Variants in RPL35 observed in about 807,000 individuals in gnomAD.
The protein encoded by RPL35 is ribosomal protein L35, also known as large ribosomal subunit protein uL29.
In RPL35, 2 loss-of-function variants were observed where a neutral mutation model predicts 15.6. That is an observed-to-expected ratio of 0.13 (90% CI 0.05 to 0.40). RPL35 has a LOEUF of 0.40. Among genes scored for constraint, RPL35 ranks in the 10% least tolerant of loss-of-function variants. RPL35 has a pLI of 0.99. For missense variants in RPL35, 111 were observed against 164.7 expected, an observed-to-expected ratio of 0.67 and a Z score of 1.79; for synonymous variants, 93 against 67.9, an observed-to-expected ratio of 1.37 and a Z score of -1.82.
chr9:124,861,102 G>C, intron 2 of RPL35: 2 of 319,396 alleles, frequency 6.3e-6, no homozygotes, highest in Non-Finnish European at 1.2e-5. Flanking sequence ...AACTTACGCT[G>C]CCACTCCAGG....
intron 2 of RPL35, chr9:124,861,018 C>T (rs1370567075): frequency 1.8e-5 from 3 of 170,998 alleles, no homozygotes; most frequent in Non-Finnish European, 3.8e-5. Flanking sequence ...GAGAAGTGGA[C>T]TTTGTACCCA....
At chr9:124,859,624 T>C (rs902286994) in intron 3 of RPL35, among the ~76,000 whole-genome samples, 1 of 152,154 alleles carries the variant, frequency 6.6e-6, no homozygotes, top group Non-Finnish European at 1.5e-5. Flanking sequence ...TTTCTCTGCT[T>C]GAACCCCAAT....
chr9:124,861,511 C>G lies in RPL35; in HGVS notation c.48G>C (p.Glu16Asp), dbSNP rs757330545. Residue 16 changes from glutamate (E) to aspartate (D), a missense_variant, in exon 2 of 4, where the codon GAG (glutamate) becomes GAC (aspartate). Physicochemically the swap from Glu to Asp is conservative, Grantham distance 45. Coordinates refer to ENST00000348462, the MANE Select transcript of RPL35 (RefSeq NM_007209.4). ...TCAGGTCGTCCAGCTGTTTCAGCAG[C>G]TCCTCCTTCTTCTTCCCGCGAAGAT... ...ARDLRGKKKE[E>D]LLKQLDDLKV... 8.1e-6 allele frequency: 13 copies of G among 1,614,080 alleles called. No homozygotes were observed. In the Admixed American group the frequency reaches 2.2e-4, roughly 27 times the overall value.
chr9:124,860,049 C>T (rs1829172159), intron 3 of RPL35, 134 bp downstream of exon 3: 1 of 689,410 alleles, frequency 1.5e-6, no homozygotes. Flanking sequence ...GAAGAGTGAG[C>T]CCAGCAACAA....
Position 124,861,510 on chromosome 9 carries a change from GCTC to G in RPL35, c.46_48del (p.Glu16del). 1 of 1,614,058 alleles carries G rather than the reference GCTC, an allele frequency of 6.2e-7. No individual in the cohort carries two copies. The highest frequency in any genetic ancestry group is 8.5e-7 in the Non-Finnish European group (1 of 1,180,010). On this transcript the variant is annotated inframe_deletion, in exon 2 of 4. Coordinates refer to ENST00000348462, the MANE Select transcript of RPL35 (RefSeq NM_007209.4). The stretch of plus-strand genomic sequence containing the variant: ...TTCAGGTCGTCCAGCTGTTTCAGCA[GCTC>G]CTCCTTCTTCTTCCCGCGAAGATCT...
At position 124,858,460 on chromosome 9, in the gene RPL35, C is replaced by T. The variant is rs886304596; in HGVS notation, c.223-393G>A. On this transcript the variant is annotated intron_variant, in intron 3 of 3. Transcript: ENST00000348462. ...GCCCCGGGGGTAGTTACCATTACCT[C>T]GGCTCTGGTTAGCAAGAGCATGCTG... 5.2e-5 allele frequency: 37 copies of T among 716,258 alleles called. No individual in the cohort carries two copies. In the African/African-American group the frequency reaches 5.2e-4, roughly 10 times the overall value. 44.4% of individuals were successfully genotyped at this position (716,258 alleles called of 1,614,324 possible).
At chr9:124,860,354 C>T (rs1251209099) in intron 2 of RPL35, 90 bp from the exon 3 acceptor site, 7 of 1,045,692 alleles carry the variant, frequency 6.7e-6, no homozygotes, top group Non-Finnish European at 9.0e-6. Context: ...ATAGCTGCAG[C>T]CTCCCCCATC....
chr9:124,861,148 T>A, intron 2 of RPL35: 1 of 436,108 alleles, frequency 2.3e-6, no homozygotes, highest in Non-Finnish European at 4.1e-6. Context: ...GGTTAAAAAC[T>A]CAAGTGTTGG....
At chr9:124,860,829 C>A in intron 2 of RPL35, 1 of 156,240 alleles carries the variant, frequency 6.4e-6, no homozygotes, top group Non-Finnish European at 1.4e-5. Flanking sequence ...TGTTTGGGGG[C>A]AAAGAGGGCA....
chr9:124,861,221 G>T (rs1829191999), intron 2 of RPL35, 198 bp downstream of exon 2: 1 of 646,082 alleles, frequency 1.5e-6, no homozygotes, highest in Non-Finnish European at 2.6e-6. Flanking sequence ...GGTCTCCGGG[G>T]ATGCATTCCA....
intron 1 of RPL35, 23 bp from the exon 2 acceptor site, chr9:124,861,578 C>A: frequency 6.2e-7 from 1 of 1,611,714 alleles, no homozygotes; most frequent in Non-Finnish European, 8.5e-7. Flanking sequence ...GAGAGTGTGC[C>A]TCAGCCAGGC....
intron 3 of RPL35, among the ~76,000 whole-genome samples, chr9:124,859,266 C>T (rs890217508): frequency 1.3e-5 from 2 of 152,228 alleles, no homozygotes; most frequent in African/African-American, 4.8e-5. Context: ...CTCGGCCTCC[C>T]AGTAGCTGGG....
At chr9:124,858,424 G>T (rs1311184976) in intron 3 of RPL35, 6 of 709,562 alleles carry the variant, frequency 8.5e-6, no homozygotes, top group Non-Finnish European at 1.6e-5. Context: ...AGGGCACGCA[G>T]CACCCACCAA....
chr9:124,858,261 T>C (rs1483536972), intron 3 of RPL35, 194 bp from the exon 4 acceptor site: 5 of 624,388 alleles, frequency 8.0e-6, no homozygotes, highest in African/African-American at 1.8e-5. Flanking sequence ...CCTCATTTCA[T>C]GTAAGTCTGC....
At chr9:124,860,337 GGCA>G in intron 2 of RPL35, 73 bp from the exon 3 acceptor site, 2 of 1,231,678 alleles carry the variant, frequency 1.6e-6, no homozygotes, top group Non-Finnish European at 2.4e-6. Flanking sequence ...TCACACATAG[GGCA>G]GCAATAGCTG....
chr9:124,859,399 C>T (rs1327382995), intron 3 of RPL35, among the ~76,000 whole-genome samples: 1 of 152,188 alleles, frequency 6.6e-6, no homozygotes, highest in Non-Finnish European at 1.5e-5. Flanking sequence ...TAAAGACCCT[C>T]ATCAGGTAAC....
Position 124,857,945 on chromosome 9 carries a change from C to A in RPL35, c.345G>T (p.Pro115=). The part of the protein sequence containing the change: ...KKQQRKERLY[P]LRKYAVKA ...AGGCCTTGACCGCGTACTTCCGCAG[C>A]GGGTACAGCCGCTCCTTCCGCTGCT... The change falls in exon 4 of 4, where the codon CCG becomes CCT. Residue 115 remains proline (P), a synonymous_variant. Transcript: ENST00000348462. 6.2e-7 allele frequency: 1 copy of A among 1,612,226 alleles called. No individual in the cohort carries two copies. Among genetic ancestry groups the A allele is most frequent in the South Asian group, 1.1e-5 (1 of 91,002 alleles).
chr9:124,858,478 G>A (rs1829143134), intron 3 of RPL35: 1 of 716,844 alleles, frequency 1.4e-6, no homozygotes, highest in East Asian at 2.7e-5. Flanking sequence ...GTTAGCAAGA[G>A]CATGCTGGGG....
chr9:124,861,788 C>G, intron 1 of RPL35, 122 bp downstream of exon 1: 4 of 1,399,634 alleles, frequency 2.9e-6, no homozygotes, highest in Non-Finnish European at 3.8e-6. Flanking sequence ...GGCGCCAGAC[C>G]ATTCTGCGCG....
Sources: gnomAD v4.1 joint callset for allele counts (sites outside exome capture counted in the v4.1 genomes callset) on GRCh38, gnomAD v4.1.1 for gene constraint, MANE v1.5 for transcripts, NCBI Gene and HGNC (gene_info 2026-07-23, HGNC 2026-07-21) for gene names.